TTLL5: variants seen among roughly 807,000 people sequenced by gnomAD.
TTLL5 encodes the protein tubulin tyrosine ligase like 5, also known as tubulin polyglutamylase TTLL5.
TTLL5 carries 132 observed loss-of-function variants against 168.4 expected under a neutral mutation model. The observed-to-expected ratio is 0.78, with a 90% confidence interval of 0.68 to 0.91. The LOEUF (loss-of-function observed/expected upper bound fraction) is 0.91. Ranked by LOEUF, TTLL5 falls within the 40% of genes least tolerant of loss-of-function variation. The pLI, the probability that TTLL5 is intolerant of heterozygous loss-of-function variation, is 0.00. For missense variants in TTLL5, 1,545 were observed against 1,581.5 expected (o/e 0.98, Z 0.39); for synonymous variants, 546 against 558.6 (o/e 0.98, Z 0.32).
chr14:75,761,391 G>C (rs1890640986), intron 18 of TTLL5, among the ~76,000 whole-genome samples: 1 of 152,150 alleles, frequency 6.6e-6, no homozygotes, highest in Non-Finnish European at 1.5e-5. Flanking sequence ...AAAACAGCTT[G>C]TACAAATAGG....
intron 28 of TTLL5, among the ~76,000 whole-genome samples, chr14:75,852,821 AT>A (rs1896932744): frequency 6.6e-6 from 1 of 152,212 alleles, no homozygotes; most frequent in African/African-American, 2.4e-5. Flanking sequence ...CACAGATTTC[AT>A]TTGGCTAGCT....
At position 75,677,384 on chromosome 14, in the gene TTLL5, C is replaced by T. The variant is rs542286020; in HGVS notation, c.182-4161C>T. ...GATTCTAGAGATTCTCTTTCTCTCT[C>T]TCTCTCTTTTTTTTTTTTTTTTTTT... On this transcript the variant is annotated intron_variant, in intron 3 of 31. Coordinates refer to ENST00000298832, the MANE Select transcript of TTLL5 (RefSeq NM_015072.5). Among the ~76,000 whole-genome samples the T allele has an allele frequency of 4.2e-5, 6 of 142,266 alleles. No homozygotes were observed. In the Admixed American group the frequency reaches 4.3e-4, roughly 10 times the overall value. The allele number at this position is 142,266 out of a possible 152,430, so 93.3% of individuals were successfully genotyped here.
chr14:75,886,700 T>G lies in TTLL5; in HGVS notation c.3740+3798T>G, dbSNP rs770394560. 10 of 1,598,050 alleles carry G rather than the reference T, an allele frequency of 6.3e-6. No individual in the cohort carries two copies. In the South Asian group the frequency reaches 8.8e-5, roughly 14 times the overall value. On this transcript the variant is annotated intron_variant, in intron 30 of 31. Transcript: ENST00000298832. ...ATGTTTGCAACACTTCATAATTTAG[T>G]ACCCGCTTCAGATCCTCCTTTCAAA...
intron 6 of TTLL5, among the ~76,000 whole-genome samples, chr14:75,694,343 A>C (rs1885673531): frequency 6.6e-6 from 1 of 152,036 alleles, no homozygotes; most frequent in Admixed American, 6.6e-5. Context: ...AGAAGCATTA[A>C]CTTCTTTTTT....
chr14:75,818,688 A>G (rs1340877503), intron 27 of TTLL5: 5 of 195,654 alleles, frequency 2.6e-5, no homozygotes, highest in South Asian at 1.4e-4. Context: ...TTTAGTAGAC[A>G]TAGGGTTTCA....
At chr14:75,906,670 A>G (rs1406131486) in intron 31 of TTLL5, 1 of 985,756 alleles carries the variant, frequency 1.0e-6, no homozygotes, top group African/African-American at 1.7e-5. Context: ...AGTCAGGGCC[A>G]ATTTAAGGTA....
At chr14:75,902,740 T>C (rs1342745892) in intron 31 of TTLL5, among the ~76,000 whole-genome samples, 3 of 152,236 alleles carry the variant, frequency 2.0e-5, no homozygotes, top group Non-Finnish European at 4.4e-5. Context: ...AGCCTCTCAG[T>C]GTAGGTGCAT....
chr14:75,843,102 T>C (rs1001263857), intron 28 of TTLL5, among the ~76,000 whole-genome samples: 2 of 152,260 alleles, frequency 1.3e-5, no homozygotes, highest in Non-Finnish European at 2.9e-5. Context: ...CTCCCCTTGC[T>C]GTCCTGAGAG....
At chr14:75,830,432 A>G (rs1895495259) in intron 28 of TTLL5, among the ~76,000 whole-genome samples, 1 of 152,234 alleles carries the variant, frequency 6.6e-6, no homozygotes, top group South Asian at 2.1e-4. Context: ...AAGAGAGTAG[A>G]TTTTAACTCT....
In TTLL5 at chr14:75,888,583, C is replaced by G. The variant is rs529943281; in HGVS notation, c.3740+5681C>G. Reference sequence around the variant, plus strand: ...GACCTTCTTTAAGGATGAGCAAATACTGGAATATCTTGGGGCCTGGCAATA... The same window carrying G: ...GACCTTCTTTAAGGATGAGCAAATAGTGGAATATCTTGGGGCCTGGCAATA... On this transcript the variant is annotated intron_variant, in intron 30 of 31. Coordinates refer to ENST00000298832, the MANE Select transcript of TTLL5 (RefSeq NM_015072.5). 4.4e-4 allele frequency among the ~76,000 whole-genome samples: 67 copies of G among 152,230 alleles called. 2 individuals carry two copies. The highest frequency in any genetic ancestry group is 1.6e-3 in the African/African-American group (66 of 41,544).
chr14:75,831,121 CTG>C (rs527909380), intron 28 of TTLL5, among the ~76,000 whole-genome samples: 54 of 152,314 alleles, frequency 3.5e-4, no homozygotes, highest in Non-Finnish European at 5.7e-4. Flanking sequence ...CAGCTCAGGA[CTG>C]GATAGTTGAC....
intron 31 of TTLL5, chr14:75,906,808 C>A: frequency 1.2e-6 from 1 of 821,094 alleles, no homozygotes; most frequent in Non-Finnish European, 1.5e-6. Flanking sequence ...CTTTATAAAC[C>A]AAAACTTAGA....
In TTLL5 at chr14:75,732,524, C is replaced by G. The variant is rs1050115360; in HGVS notation, c.1124+105C>G. 18 of 969,158 alleles carry G rather than the reference C, an allele frequency of 1.9e-5. No individual in the cohort carries two copies. The Admixed American group carries it at 2.7e-4, about 15-fold the overall frequency. 60.0% of individuals were successfully genotyped at this position (969,158 alleles called of 1,614,324 possible). On this transcript the variant is annotated intron_variant, in intron 13 of 31. Coordinates refer to ENST00000298832, the MANE Select transcript of TTLL5 (RefSeq NM_015072.5). The stretch of plus-strand genomic sequence containing the variant: ...TTGGCACTAGAAGACTGTTTTTTTC[C>G]TAGTTATTAGGTGGAGATAACCAGA...
At chr14:75,877,754 A>G (rs545697642) in intron 29 of TTLL5, among the ~76,000 whole-genome samples, 4 of 152,356 alleles carry the variant, frequency 2.6e-5, no homozygotes, top group East Asian at 1.9e-4. Context: ...TTATGAATGA[A>G]TATCAGGACA....
In TTLL5 at chr14:75,932,826, G is replaced by T. The variant is rs114624543; in HGVS notation, c.3824-21598G>T. Among the ~76,000 whole-genome samples the T allele has an allele frequency of 4.0e-3, 612 of 152,300 alleles. 8 individuals carry two copies. The highest frequency in any genetic ancestry group is 0.014 in the African/African-American group (572 of 41,568). On this transcript the variant is annotated intron_variant, in intron 31 of 31. Transcript: ENST00000298832. ...AAAATAGTTGCCATGTCTTCTTCAT[G>T]AGGTTGATGTGAAAGCTGGATGAGA...
chr14:75,802,849 T>C (rs1436214529), intron 27 of TTLL5, among the ~76,000 whole-genome samples: 3 of 152,210 alleles, frequency 2.0e-5, no homozygotes, highest in Non-Finnish European at 4.4e-5. Flanking sequence ...AAAGCTGAAC[T>C]AGCCTTCTTG....
intron 28 of TTLL5, among the ~76,000 whole-genome samples, chr14:75,828,758 C>A (rs1376284551): frequency 6.6e-6 from 1 of 152,202 alleles, no homozygotes; most frequent in Non-Finnish European, 1.5e-5. Flanking sequence ...GAGCCCAGTA[C>A]TGACATTTGA....
rs766575431 is a variant in TTLL5 at position 75,734,068 on chromosome 14, C to G, written c.1186+18C>G. On this transcript the variant is annotated intron_variant, in intron 14 of 31. Coordinates refer to ENST00000298832, the MANE Select transcript of TTLL5 (RefSeq NM_015072.5). ...TGTTGTAGGTGAGTAGTAGTATTTT[C>G]TGAACTGGACTCACATAAAAATTAA... 13 of 1,611,968 alleles carry G rather than the reference C, an allele frequency of 8.1e-6. No individual in the cohort carries two copies. Among genetic ancestry groups the G allele is most frequent in the Middle Eastern group, 1.6e-4 (1 of 6,074 alleles).
chr14:75,682,999 T>A (rs1480781803), intron 4 of TTLL5, among the ~76,000 whole-genome samples: 4 of 152,162 alleles, frequency 2.6e-5, no homozygotes, highest in Middle Eastern at 3.2e-3. Context: ...CTCAAACTCC[T>A]GAGCTCAAGC....
Sources: gnomAD v4.1 joint callset for allele counts (sites outside exome capture counted in the v4.1 genomes callset) on GRCh38, gnomAD v4.1.1 for gene constraint, MANE v1.5 for transcripts, NCBI Gene and HGNC (gene_info 2026-07-23, HGNC 2026-07-21) for gene names.